The following COG3 variants were observed in gnomAD, a reference collection of about 807,000 sequenced individuals.
COG3 encodes the protein conserved oligomeric Golgi complex subunit 3.
Under a neutral mutation model 114.1 loss-of-function variants are expected in COG3, and 32 were observed. The observed-to-expected ratio is 0.28, with a 90% CI of 0.21 to 0.38. The LOEUF is 0.38. Ranked by LOEUF, COG3 falls within the 10% of genes least tolerant of loss-of-function variation. The pLI is 1.00. For missense variants in COG3, 813 were observed against 973.2 expected (o/e 0.84, Z 2.19); for synonymous variants, 352 against 365.7 (o/e 0.96, Z 0.43).
intron 10 of COG3, among the ~76,000 whole-genome samples, 177 bp downstream of exon 10, chr13:45,491,715 T>C (rs771656309): frequency 1.5e-4 from 23 of 152,212 alleles, no homozygotes; most frequent in Non-Finnish European, 2.2e-4. Context: ...CAAAATATTC[T>C]CATTTTTTAC....
chr13:45,486,394 G>T (rs1358654043), intron 7 of COG3, 101 bp from the exon 8 acceptor site: 1 of 704,290 alleles, frequency 1.4e-6, no homozygotes, highest in African/African-American at 1.8e-5. Flanking sequence ...TGATTGGTAT[G>T]CAGGCCAAGC....
At chr13:45,469,997 A>G (rs1015863844) in intron 1 of COG3, among the ~76,000 whole-genome samples, 4 of 152,182 alleles carry the variant, frequency 2.6e-5, no homozygotes, top group Non-Finnish European at 5.9e-5. Context: ...CGAGCAGGGG[A>G]GAGGGAAGAA....
chr13:45,482,348 A>G lies in COG3; in HGVS notation c.625-33A>G, dbSNP rs76242117. 2,694 of 1,113,640 alleles carry G rather than the reference A, an allele frequency of 2.4e-3. 45 individuals are homozygous for G. In the African/African-American group the frequency reaches 0.034, roughly 14 times the overall value. 69.0% of individuals were successfully genotyped at this position (1,113,640 alleles called of 1,614,324 possible). The stretch of plus-strand genomic sequence containing the variant: ...CCAACTTTTATCTGTATCATTTTTT[A>G]TGAATTAAGATTGTTTTCTTTTTCT... On this transcript the variant is annotated intron_variant, in intron 5 of 22. Transcript: ENST00000349995.
At chr13:45,505,892 GC>G (rs1386375180) in intron 14 of COG3, among the ~76,000 whole-genome samples, 1 of 152,036 alleles carries the variant, frequency 6.6e-6, no homozygotes, top group African/African-American at 2.4e-5. Context: ...ACTGTGCCTG[GC>G]CTCTTTTTAC....
chr13:45,508,292 A>T, intron 14 of COG3, among the ~76,000 whole-genome samples: 1 of 149,590 alleles, frequency 6.7e-6, no homozygotes, highest in Non-Finnish European at 1.5e-5. Flanking sequence ...AAAACATTCC[A>T]AATATACAGA....
chr13:45,476,156 A>G (rs770942697), intron 1 of COG3, 45 bp from the exon 2 acceptor site: 2 of 1,597,436 alleles, frequency 1.3e-6, no homozygotes, highest in South Asian at 1.1e-5. Context: ...AAGTTCAGAG[A>G]ATTTTCAAGT....
intron 2 of COG3, among the ~76,000 whole-genome samples, chr13:45,478,406 C>G (rs989741768): frequency 6.6e-6 from 1 of 151,968 alleles, no homozygotes; most frequent in South Asian, 2.1e-4. Context: ...GTCTCTATCT[C>G]CTGACCTTGT....
chr13:45,521,577 G>GCGCA (rs147991863), intron 19 of COG3, among the ~76,000 whole-genome samples: 3 of 148,378 alleles, frequency 2.0e-5, no homozygotes, highest in South Asian at 2.1e-4. Flanking sequence ...ATACATACGT[G>GCGCA]CACACACACA....
intron 17 of COG3, among the ~76,000 whole-genome samples, chr13:45,516,710 A>G (rs1871577983): frequency 6.6e-6 from 1 of 152,126 alleles, no homozygotes; most frequent in African/African-American, 2.4e-5. Flanking sequence ...CTGTCCCATC[A>G]TTTCCCGGCC....
At chr13:45,531,001 T>C in intron 22 of COG3, 1 of 1,194,790 alleles carries the variant, frequency 8.4e-7, no homozygotes, top group Non-Finnish European at 1.0e-6. Context: ...TTCTGTTTAA[T>C]CCTTTCTGAT....
At position 45,488,359 on chromosome 13, in the gene COG3, C is replaced by T. The variant is rs148341782; in HGVS notation, c.924+1784C>T. 3.3e-5 allele frequency among the ~76,000 whole-genome samples: 5 copies of T among 152,104 alleles called. No individual in the cohort carries two copies. The East Asian group carries it at 9.6e-4, about 29-fold the overall frequency. On this transcript the variant is annotated intron_variant, in intron 8 of 22. Coordinates refer to ENST00000349995, the MANE Select transcript of COG3 (RefSeq NM_031431.4). ...CAATTTATTGTATATTTCAAAATAG[C>T]TAAGAGGGAAGATTTGAAATTTTCC...
intron 22 of COG3, 71 bp downstream of exon 22, chr13:45,530,851 T>C: frequency 6.8e-7 from 1 of 1,479,320 alleles, no homozygotes; most frequent in Non-Finnish European, 9.1e-7. Context: ...AGATAATGTC[T>C]TTGAGCAAAC....
intron 1 of COG3, among the ~76,000 whole-genome samples, chr13:45,471,238 T>C (rs898731195): frequency 8.6e-5 from 6 of 69,986 alleles, no homozygotes; most frequent in Non-Finnish European, 2.6e-4. Context: ...ACCTCGTCTC[T>C]ACAGAAAAAA....
chr13:45,467,362 C>T (rs71431373), intron 1 of COG3, among the ~76,000 whole-genome samples: 7 of 152,146 alleles, frequency 4.6e-5, no homozygotes, highest in Non-Finnish European at 8.8e-5. Flanking sequence ...GAGGCTAAGG[C>T]GGGAGAATCA....
intron 16 of COG3, among the ~76,000 whole-genome samples, chr13:45,513,335 TAC>T (rs1157643463): frequency 3.0e-5 from 4 of 134,226 alleles, no homozygotes; most frequent in African/African-American, 1.2e-4. Context: ...ATATAATATA[TAC>T]ATATAAATTA....
chr13:45,498,683 A>G (rs578056635), intron 13 of COG3, among the ~76,000 whole-genome samples: 40 of 149,006 alleles, frequency 2.7e-4, no homozygotes, highest in Admixed American at 8.0e-4. Context: ...AGTTTATTCC[A>G]TTCATCTTTA....
In COG3 at chr13:45,513,959, A is replaced by G. The variant is rs1871249223; in HGVS notation, c.1809+2105A>G. On this transcript the variant is annotated intron_variant, in intron 16 of 22. Transcript: ENST00000349995. Reference sequence around the variant, plus strand: ...GCAAATCAGATAATATGGTATGACTATGTAATAAAATGCATTGAAGAAAAT... The same window carrying G: ...GCAAATCAGATAATATGGTATGACTGTGTAATAAAATGCATTGAAGAAAAT... Among the ~76,000 whole-genome samples the G allele has an allele frequency of 3.3e-5, 5 of 152,128 alleles. No homozygotes were observed. The South Asian group carries it at 1.0e-3, about 31-fold the overall frequency.
intron 5 of COG3, among the ~76,000 whole-genome samples, chr13:45,481,848 G>A (rs547080521): frequency 8.5e-5 from 13 of 152,176 alleles, no homozygotes; most frequent in Non-Finnish European, 1.6e-4. Flanking sequence ...GTTTATTAAA[G>A]ACATAGAACT....
intron 13 of COG3, 30 bp from the exon 14 acceptor site, chr13:45,503,214 G>A (rs759726868): frequency 3.7e-6 from 4 of 1,076,558 alleles, no homozygotes; most frequent in South Asian, 1.3e-5. Context: ...TGCTGAAAAC[G>A]GTAACATTCC....
Sources: allele counts gnomAD v4.1 joint callset (sites outside exome capture counted in the v4.1 genomes callset), GRCh38; gene constraint gnomAD v4.1.1; transcripts MANE v1.5; gene names NCBI Gene and HGNC (gene_info 2026-07-23, HGNC 2026-07-21).